MTMR2: variants seen among roughly 807,000 people sequenced by gnomAD.
The protein encoded by MTMR2 is phosphatidylinositol-3,5-bisphosphate 3-phosphatase MTMR2.
A neutral mutation model predicts 86.9 loss-of-function variants in MTMR2; 55 were observed. The observed-to-expected ratio is 0.63, with a 90% CI of 0.51 to 0.79. The LOEUF is 0.79. Among genes scored for constraint, MTMR2 ranks in the 30% least tolerant of loss-of-function variants. The pLI is 0.00. For synonymous variants in MTMR2, 241 were observed against 266.8 expected, an observed-to-expected ratio of 0.90 and a Z score of 0.94; for missense variants, 659 against 772.3, an observed-to-expected ratio of 0.85 and a Z score of 1.74.
intron 2 of MTMR2, 139 bp from the exon 3 acceptor site, chr11:95,865,815 G>C (rs1389227557): frequency 1.5e-5 from 11 of 727,816 alleles, no homozygotes; most frequent in Non-Finnish European, 2.6e-5. Flanking sequence ...TTGTTAAACT[G>C]TAGTGTTGGC....
chr11:95,847,643 A>T, intron 10 of MTMR2, 71 bp downstream of exon 10: 1 of 1,365,826 alleles, frequency 7.3e-7, no homozygotes, highest in Non-Finnish European at 1.0e-6. Context: ...GATTGCAATT[A>T]TAAGTAAAAA....
rs368025132 is a variant in MTMR2, at chr11:95,888,136, C to T, written c.186+20G>A. The T allele has an allele frequency of 3.8e-6, 6 of 1,567,968 alleles. No individual in the cohort carries two copies. The highest frequency in any genetic ancestry group is 4.4e-6 in the Non-Finnish European group (5 of 1,139,658). Reference sequence around the variant, plus strand: ...TTTAACAGAAAGTACTTCATCAGAACTTTAAAATAGTATACATACCCTCAA... The same window carrying T: ...TTTAACAGAAAGTACTTCATCAGAATTTTAAAATAGTATACATACCCTCAA... On this transcript the variant is annotated intron_variant, in intron 2 of 14. Transcript: ENST00000346299.
At chr11:95,835,828 T>G (rs1863246825) in intron 14 of MTMR2, among the ~76,000 whole-genome samples, 1 of 152,066 alleles carries the variant, frequency 6.6e-6, no homozygotes, top group Non-Finnish European at 1.5e-5. Flanking sequence ...TAGACCAGAA[T>G]TTTGTTCAGC....
chr11:95,917,608 T>G lies in MTMR2; in HGVS notation c.80+6267A>C, dbSNP rs113226814. Among the ~76,000 whole-genome samples, 285 of 152,272 alleles carry G rather than the reference T, an allele frequency of 1.9e-3. 1 individual carries two copies. Among genetic ancestry groups the G allele is most frequent in the African/African-American group, 6.3e-3 (263 of 41,564 alleles). On this transcript the variant is annotated intron_variant, in intron 1 of 14. Coordinates refer to ENST00000346299, the MANE Select transcript of MTMR2 (RefSeq NM_016156.6). ...AATAGACTACTGTTGACTGGAAGCTTTACGGATAACATAAACAGCCCATCA... is the reference window on the plus strand; with the variant it reads ...AATAGACTACTGTTGACTGGAAGCTGTACGGATAACATAAACAGCCCATCA...
chr11:95,875,239 G>A (rs1865061371), intron 2 of MTMR2, among the ~76,000 whole-genome samples: 1 of 152,164 alleles, frequency 6.6e-6, no homozygotes, highest in African/African-American at 2.4e-5. Flanking sequence ...ACACCAATCA[G>A]ACATAGATTT....
Position 95,860,253 on chromosome 11 carries a change from A to G in MTMR2, c.469-1621T>C, listed in dbSNP as rs554828677. Among the ~76,000 whole-genome samples, 5 of 152,216 alleles carry G rather than the reference A, an allele frequency of 3.3e-5. No individual in the cohort carries two copies. The East Asian group carries it at 9.7e-4, about 29-fold the overall frequency. ...ACAGTGGCTCACACCTGTAATCTCAACACTTTGGGAGGCCAAGGCGGGCAG... is the reference window on the plus strand; with the variant it reads ...ACAGTGGCTCACACCTGTAATCTCAGCACTTTGGGAGGCCAAGGCGGGCAG... On this transcript the variant is annotated intron_variant, in intron 5 of 14. Coordinates refer to ENST00000346299, the MANE Select transcript of MTMR2 (RefSeq NM_016156.6).
At chr11:95,836,096 A>G (rs1863262851) in intron 14 of MTMR2, 52 bp downstream of exon 14, 5 of 1,525,584 alleles carry the variant, frequency 3.3e-6, no homozygotes, top group Non-Finnish European at 4.5e-6. Context: ...TTAAGGAGAC[A>G]AAGTTGCACT....
At chr11:95,909,394 A>G (rs1866414527) in intron 1 of MTMR2, among the ~76,000 whole-genome samples, 1 of 152,328 alleles carries the variant, frequency 6.6e-6, no homozygotes, top group South Asian at 2.1e-4. Context: ...TTTGGTACCT[A>G]CTACAGAAGC....
At chr11:95,923,658 T>C (rs1237759548) in intron 1 of MTMR2, 2 of 1,418,530 alleles carry the variant, frequency 1.4e-6, no homozygotes, top group Admixed American at 2.9e-5. Flanking sequence ...ATATGAAAGG[T>C]AGAGGAATCG....
chr11:95,914,395 C>T, intron 1 of MTMR2: 3 of 984,714 alleles, frequency 3.0e-6, no homozygotes, highest in Non-Finnish European at 3.6e-6. Flanking sequence ...GCAAAGCCTG[C>T]AGGGCAGGGA....
At chr11:95,857,803 A>AT (rs899307665) in intron 6 of MTMR2, among the ~76,000 whole-genome samples, 168 bp from the exon 7 acceptor site, 1 of 152,078 alleles carries the variant, frequency 6.6e-6, no homozygotes, top group Non-Finnish European at 1.5e-5. Context: ...TTGAAAATCT[A>AT]TTTTTTTACA....
At position 95,924,042 on chromosome 11, in the gene MTMR2, G is replaced by C; in HGVS notation, c.-88C>G. On this transcript the variant is annotated 5_prime_UTR_variant, in exon 1 of 15. Transcript: ENST00000346299. ...GCGGAGGGCGGAGTGCTACGGACCG[G>C]GGCCGCAGTCAGGCCAGCGCCGGCC... is the stretch of plus-strand genomic sequence containing the variant. 2.0e-6 allele frequency: 3 copies of C among 1,511,286 alleles called. No individual in the cohort carries two copies. The highest frequency in any genetic ancestry group is 2.7e-6 in the Non-Finnish European group (3 of 1,112,790). The allele number at this position is 1,511,286 out of a possible 1,614,324, so 93.6% of individuals were successfully genotyped here.
chr11:95,872,747 G>A (rs1292881753), intron 2 of MTMR2, among the ~76,000 whole-genome samples: 1 of 152,030 alleles, frequency 6.6e-6, no homozygotes, highest in Non-Finnish European at 1.5e-5. Context: ...ACTGGCTGTG[G>A]GTTTGTCATA....
In MTMR2 at chr11:95,835,336, G is replaced by GCTCT. The variant is rs751292488; in HGVS notation, c.1882_1885dup (p.Ala629GlufsTer31). ...AGTGACACACTGTGCAGGAGAGCTG[G>GCTCT]CTCTCTCTGAGGATGAGGTTGATCG... On this transcript the variant is annotated frameshift_variant, in exon 15 of 15. Transcript: ENST00000346299. LOFTEE classifies it high-confidence loss of function. The GCTCT allele has an allele frequency of 1.5e-5, 24 of 1,612,934 alleles. No homozygotes were observed. Among genetic ancestry groups the GCTCT allele is most frequent in the Non-Finnish European group, 8.5e-7 (1 of 1,179,334 alleles).
At chr11:95,853,903 A>C (rs1864114593) in intron 7 of MTMR2, among the ~76,000 whole-genome samples, 1 of 152,156 alleles carries the variant, frequency 6.6e-6, no homozygotes, top group Admixed American at 6.5e-5. Context: ...ATCACTTGAG[A>C]AGTATACATC....
intron 5 of MTMR2, among the ~76,000 whole-genome samples, chr11:95,861,099 G>A (rs1350605558): frequency 6.6e-6 from 1 of 150,646 alleles, no homozygotes; most frequent in African/African-American, 2.5e-5. Context: ...GACGGAGCTT[G>A]CAGTGAGCTG....
chr11:95,899,708 G>C (rs1274459757), intron 1 of MTMR2, among the ~76,000 whole-genome samples: 1 of 151,878 alleles, frequency 6.6e-6, no homozygotes, highest in African/African-American at 2.4e-5. Flanking sequence ...AGGCAAGCTT[G>C]AAAGATGTCA....
chr11:95,861,402 G>GTTATTATTATTATTATTA (rs149187983), intron 5 of MTMR2, among the ~76,000 whole-genome samples: 3 of 140,978 alleles, frequency 2.1e-5, no homozygotes, highest in Admixed American at 7.1e-5. Context: ...ATTAAAGATG[G>GTTATTATTATTATTATTA]TTATTATTAT....
At chr11:95,849,126 A>T (rs1376504824) in intron 9 of MTMR2, among the ~76,000 whole-genome samples, 1 of 152,142 alleles carries the variant, frequency 6.6e-6, no homozygotes, top group Non-Finnish European at 1.5e-5. Flanking sequence ...CTCCTCCTAT[A>T]GATTTGGTCA....
Sources: gnomAD v4.1 joint callset for allele counts (sites outside exome capture counted in the v4.1 genomes callset) on GRCh38, gnomAD v4.1.1 for gene constraint, MANE v1.5 for transcripts, NCBI Gene and HGNC (gene_info 2026-07-23, HGNC 2026-07-21) for gene names.